The following ROCK1 variants were observed in gnomAD, a reference collection of about 807,000 sequenced individuals.
ROCK1 encodes Rho associated coiled-coil containing protein kinase 1.
Under a neutral mutation model 196.8 loss-of-function variants are expected in ROCK1, and 36 were observed. The observed-to-expected ratio is 0.18, with a 90% CI of 0.14 to 0.24. The LOEUF is 0.24. Among genes scored for constraint, ROCK1 ranks in the 10% least tolerant of loss-of-function variants. ROCK1 has a pLI of 1.00. For synonymous variants in ROCK1, 443 were observed against 515.9 expected (o/e 0.86, Z 1.91); for missense variants, 920 against 1,562.0 (o/e 0.59, Z 6.93).
chr18:20,970,021 A>C lies in ROCK1; in HGVS notation c.2820+327T>G, dbSNP rs907141178. On this transcript the variant is annotated intron_variant, in intron 23 of 32. Transcript: ENST00000399799. ...AATTCTGGCCCATAAAATCAGTTGC[A>C]ATGTATTAAGAGAACAACAAATGAA... The C allele has an allele frequency of 1.3e-4, 23 of 172,504 alleles. No homozygotes were observed. The South Asian group carries it at 1.9e-3, about 14-fold the overall frequency. The allele number at this position is 172,504 out of a possible 1,614,324, so 10.7% of individuals were successfully genotyped here.
In ROCK1 at chr18:21,110,965, T is replaced by A; in HGVS notation, c.-55A>T. The A allele has an allele frequency of 6.9e-7, 1 of 1,444,906 alleles. No individual in the cohort carries two copies. Among genetic ancestry groups the A allele is most frequent in the Non-Finnish European group, 9.7e-7 (1 of 1,028,142 alleles). 89.5% of individuals were successfully genotyped at this position (1,444,906 alleles called of 1,614,324 possible). A position where few individuals can be genotyped will look rare whatever the true frequency, so the allele number is the denominator to read the frequency against. The stretch of plus-strand genomic sequence containing the variant: ...CCAGCACCAGCAGCGGAAAGCAATT[T>A]CAACCAACTTCCTCCGCGGTGGGTT... On this transcript the variant is annotated 5_prime_UTR_variant, in exon 1 of 33. Transcript: ENST00000399799.
At chr18:20,972,014 C>T (rs911119927) in intron 22 of ROCK1, among the ~76,000 whole-genome samples, 13 of 152,062 alleles carry the variant, frequency 8.5e-5, no homozygotes, top group African/African-American at 2.9e-4. Context: ...TTAGAAAGAT[C>T]ATTCTGGCTG....
chr18:21,111,041 G>C lies in ROCK1; in HGVS notation c.-131C>G, dbSNP rs1004200269. 2.9e-5 allele frequency: 20 copies of C among 694,710 alleles called. No homozygotes were observed. In the African/African-American group the frequency reaches 3.4e-4, roughly 12 times the overall value. 43.0% of individuals were successfully genotyped at this position (694,710 alleles called of 1,614,324 possible). ...AACCTCAGGGTCACCAGGTGCGCCC[G>C]GTTCCCCCGTCTTCCCCTCACTGAG... On this transcript the variant is annotated 5_prime_UTR_variant, in exon 1 of 33. Transcript: ENST00000399799. This position sits in a 1 kb window ranked among gnomAD's most constrained non-coding sequence, Gnocchi z 4.2.
At chr18:21,068,694 C>T (rs2036358021) in intron 2 of ROCK1, among the ~76,000 whole-genome samples, 1 of 152,092 alleles carries the variant, frequency 6.6e-6, no homozygotes, top group African/African-American at 2.4e-5. Context: ...GTCAAATTTA[C>T]TCCTAAATTT....
At chr18:21,065,357 TTC>T (rs1032456588) in intron 2 of ROCK1, among the ~76,000 whole-genome samples, 2 of 152,070 alleles carry the variant, frequency 1.3e-5, no homozygotes, top group African/African-American at 2.4e-5. Context: ...AAAATATCAG[TTC>T]TGTTTTTTTT....
chr18:20,974,660 TCCTA>T (rs1317406496), intron 22 of ROCK1, among the ~76,000 whole-genome samples: 4 of 152,222 alleles, frequency 2.6e-5, no homozygotes, highest in Non-Finnish European at 5.9e-5. Flanking sequence ...ACCCTTATTC[TCCTA>T]CCTCTTAAAA....
chr18:20,992,880 A>G lies in ROCK1; in HGVS notation c.1943T>C (p.Val648Ala). The stretch of plus-strand genomic sequence containing the variant: ...TTGAGCCTCTTTTCTTTCTCCTTCC[A>G]CTTTTTCGAGATTATGTTTGAGATG... ...VKHLKHNLEKVEGERKEAQDM... is the reference protein window; with the variant it reads ...VKHLKHNLEKAEGERKEAQDM... The change falls in exon 17 of 33, where the codon GTG (valine) becomes GCG (alanine). Residue 648 changes from valine to alanine, a missense_variant. Physicochemically the swap from Val to Ala is moderately conservative, Grantham distance 64. Transcript: ENST00000399799. 6.2e-7 allele frequency: 1 copy of G among 1,612,482 alleles called. No homozygotes were observed. Among genetic ancestry groups the G allele is most frequent in the African/African-American group, 1.3e-5 (1 of 74,938 alleles).
intron 13 of ROCK1, 98 bp from the exon 14 acceptor site, chr18:21,008,292 A>G (rs2035785800): frequency 1.1e-6 from 1 of 903,310 alleles, no homozygotes; most frequent in African/African-American, 1.7e-5. Flanking sequence ...AAGAAAAAAA[A>G]AAAGACAAAC....
intron 1 of ROCK1, among the ~76,000 whole-genome samples, chr18:21,094,604 C>T (rs1568408793): frequency 6.7e-6 from 1 of 149,804 alleles, no homozygotes; most frequent in Non-Finnish European, 1.5e-5. Context: ...CAAACATTGG[C>T]CGGGCATGGT....
chr18:20,962,255 A>ATTTTT (rs1450167816), intron 27 of ROCK1, among the ~76,000 whole-genome samples: 2 of 152,158 alleles, frequency 1.3e-5, no homozygotes, highest in African/African-American at 4.8e-5. Flanking sequence ...CAAAAAAGTT[A>ATTTTT]TTGCCAGAAA....
At position 20,979,965 on chromosome 18, in the gene ROCK1, T is replaced by C. The variant is rs1362348199; in HGVS notation, c.2599A>G (p.Ile867Val). Reference sequence around the variant, plus strand: ...AAATTTTCTCTGTTTTTTTCTTCAATTTCTTCTTTAAGTTCCTTTACCTGG... The same window carrying C: ...AAATTTTCTCTGTTTTTTTCTTCAACTTCTTCTTTAAGTTCCTTTACCTGG... ...KTQVKELKEE[I>V]EEKNRENLKK... Residue 867 changes from isoleucine (I) to valine (V), a missense_variant, in exon 22 of 33, where the codon ATT (isoleucine) becomes GTT (valine). Ile to Val is a conservative substitution (Grantham distance 29). This residue lies in a region of ROCK1 where 520 missense variants were observed against 657.1 expected (regional missense o/e 0.79). Coordinates refer to ENST00000399799, the MANE Select transcript of ROCK1 (RefSeq NM_005406.3). The C allele has an allele frequency of 6.4e-7, 1 of 1,552,080 alleles. No individual in the cohort carries two copies.
chr18:20,979,936 C>A lies in ROCK1; in HGVS notation c.2628G>T (p.Lys876Asn). Residue 876 changes from lysine (K) to asparagine (N), a missense_variant, in exon 22 of 33, where the codon AAG becomes AAT. By Grantham distance (94) the Lys-to-Asn change is moderately conservative (BLOSUM62 0). Transcript: ENST00000399799. Reference sequence around the variant, plus strand: ...TTTCATTTTGTAGTTCCTGTATTTTCTTTAAATTTTCTCTGTTTTTTTCTT... The same window carrying A: ...TTTCATTTTGTAGTTCCTGTATTTTATTTAAATTTTCTCTGTTTTTTTCTT... ...EIEEKNRENL[K>N]KIQELQNEKE... is the part of the protein sequence containing the mutation. 1.3e-6 allele frequency: 2 copies of A among 1,542,638 alleles called. No homozygotes were observed. Among genetic ancestry groups the A allele is most frequent in the African/African-American group, 2.8e-5 (2 of 72,660 alleles).
intron 1 of ROCK1, among the ~76,000 whole-genome samples, chr18:21,082,659 G>A (rs2036492635): frequency 6.6e-6 from 1 of 152,022 alleles, no homozygotes; most frequent in Non-Finnish European, 1.5e-5. Flanking sequence ...TCAACAAACA[G>A]GGAATGGAAA....
chr18:20,991,676 C>T (rs2035627672), intron 17 of ROCK1, among the ~76,000 whole-genome samples: 1 of 151,850 alleles, frequency 6.6e-6, no homozygotes, highest in African/African-American at 2.4e-5. Context: ...ACTCTGTCAC[C>T]CAGGCTGGAG....
chr18:20,980,055 A>G, intron 21 of ROCK1, 51 bp from the exon 22 acceptor site: 1 of 1,451,670 alleles, frequency 6.9e-7, no homozygotes, highest in Admixed American at 3.2e-5. Flanking sequence ...GGTTAAAAAC[A>G]ATTTGGCAGT....
chr18:21,049,614 T>C lies in ROCK1; in HGVS notation c.276+166A>G, dbSNP rs138444284. Among the ~76,000 whole-genome samples, 6 of 152,360 alleles carry C rather than the reference T, an allele frequency of 3.9e-5. No homozygotes were observed. In the East Asian group the frequency reaches 9.6e-4, roughly 24 times the overall value. The stretch of plus-strand genomic sequence containing the variant: ...TACTTGGGGAAAACACTTCCCACTA[T>C]GGCTAGATTTGACACTAGGCTTCCA... On this transcript the variant is annotated intron_variant, in intron 3 of 32. Transcript: ENST00000399799.
chr18:20,970,603 A>G (rs1007558405), intron 22 of ROCK1, 90 bp from the exon 23 acceptor site: 1 of 814,504 alleles, frequency 1.2e-6, no homozygotes, highest in African/African-American at 1.7e-5. Flanking sequence ...ATTAACTTTA[A>G]ATGATAAAAA....
intron 1 of ROCK1, among the ~76,000 whole-genome samples, chr18:21,092,240 C>T (rs2036576645): frequency 6.6e-6 from 1 of 152,054 alleles, no homozygotes; most frequent in Admixed American, 6.6e-5. Flanking sequence ...TATTTGGCTT[C>T]TGTATAAAAT....
rs374530206 is a variant in ROCK1, at chr18:20,971,305, T to TACACACACACAC, written c.2655-804_2655-793dup. On this transcript the variant is annotated intron_variant, in intron 22 of 32. Coordinates refer to ENST00000399799, the MANE Select transcript of ROCK1 (RefSeq NM_005406.3). ...TCAAGAGGGAGACATATAGTAAACATACACACACACACACACACACACACA... is the reference window on the plus strand; with the variant it reads ...TCAAGAGGGAGACATATAGTAAACATACACACACACACACACACACACACACACACACACACA... Among the ~76,000 whole-genome samples, 786 of 136,792 alleles carry TACACACACACAC rather than the reference T, an allele frequency of 5.7e-3. 12 individuals are homozygous for TACACACACACAC. Among genetic ancestry groups the TACACACACACAC allele is most frequent in the East Asian group, 0.027 (124 of 4,576 alleles). 89.7% of individuals were successfully genotyped at this position (136,792 alleles called of 152,430 possible). A position where few individuals can be genotyped will look rare whatever the true frequency, so the allele number is the denominator to read the frequency against.
Sources: gnomAD v4.1 joint callset for allele counts (sites outside exome capture counted in the v4.1 genomes callset) on GRCh38, gnomAD v4.1.1 for gene constraint, gnomAD v4.1.1 regional missense constraint, Gnocchi (gnomAD v3.1) non-coding constraint, MANE v1.5 for transcripts, NCBI Gene and HGNC (gene_info 2026-07-23, HGNC 2026-07-21) for gene names.